STAG1: variants seen among roughly 807,000 people sequenced by gnomAD.
STAG1 encodes the protein STAG1 cohesin complex component.
A neutral mutation model predicts 170.9 loss-of-function variants in STAG1; 26 were observed. The ratio of observed to expected loss-of-function variants is 0.15; its 90% confidence interval spans 0.11 to 0.21. STAG1 has a LOEUF of 0.21. Among genes scored for constraint, STAG1 ranks in the 10% least tolerant of loss-of-function variants. The pLI, the probability that STAG1 is intolerant of heterozygous loss-of-function variation, is 1.00. For missense variants in STAG1, 964 were observed against 1,509.5 expected (o/e 0.64, Z 5.99); for synonymous variants, 514 against 497.7 (o/e 1.03, Z -0.44).
intron 14 of STAG1, among the ~76,000 whole-genome samples, chr3:136,447,299 G>T (rs892203569): frequency 6.6e-6 from 1 of 151,466 alleles, no homozygotes; most frequent in Non-Finnish European, 1.5e-5. Context: ...TGGTGAAACC[G>T]TCTCTACTAA....
At chr3:136,518,373 A>G in intron 7 of STAG1, 1 of 700,514 alleles carries the variant, frequency 1.4e-6, no homozygotes, top group South Asian at 1.5e-5. Flanking sequence ...GAAGCAGAGG[A>G]TTAAATGTTC....
intron 25 of STAG1, among the ~76,000 whole-genome samples, chr3:136,366,484 A>C (rs1303207068): frequency 6.6e-6 from 1 of 152,144 alleles, no homozygotes; most frequent in Non-Finnish European, 1.5e-5. Flanking sequence ...TAATATGATA[A>C]ATCAGCTACT....
intron 3 of STAG1, among the ~76,000 whole-genome samples, chr3:136,605,663 T>C (rs972400874): frequency 1.1e-4 from 17 of 152,242 alleles, no homozygotes; most frequent in East Asian, 1.9e-4. Context: ...TCCCATTATA[T>C]GCCTGCTTCA....
intron 9 of STAG1, among the ~76,000 whole-genome samples, chr3:136,497,284 A>C (rs1257881636): frequency 6.6e-6 from 1 of 152,242 alleles, no homozygotes; most frequent in African/African-American, 2.4e-5. Context: ...TATTCATTAA[A>C]ATAAAGTTAG....
intron 22 of STAG1, among the ~76,000 whole-genome samples, chr3:136,385,225 G>T (rs2086840206): frequency 6.6e-6 from 1 of 152,128 alleles, no homozygotes; most frequent in Non-Finnish European, 1.5e-5. Flanking sequence ...GAGGCAGGAG[G>T]AACGCTTGAG....
chr3:136,465,672 G>T (rs963642606), intron 12 of STAG1, among the ~76,000 whole-genome samples: 2 of 146,290 alleles, frequency 1.4e-5, no homozygotes, highest in Admixed American at 1.4e-4. Flanking sequence ...CAAAGTATTA[G>T]AATGCATTCT....
intron 1 of STAG1, among the ~76,000 whole-genome samples, chr3:136,728,913 A>C (rs1178181844): frequency 6.6e-6 from 1 of 152,202 alleles, no homozygotes; most frequent in Non-Finnish European, 1.5e-5. Flanking sequence ...CAAAGAACTT[A>C]GGTTTCATTT....
intron 2 of STAG1, among the ~76,000 whole-genome samples, chr3:136,625,315 G>A (rs1407587915): frequency 2.6e-5 from 4 of 152,186 alleles, no homozygotes; most frequent in Non-Finnish European, 4.4e-5. Flanking sequence ...CACTCCCTTG[G>A]AGATTTCATC....
intron 9 of STAG1, among the ~76,000 whole-genome samples, chr3:136,489,562 G>A (rs543841829): frequency 6.6e-6 from 1 of 152,070 alleles, no homozygotes; most frequent in South Asian, 2.1e-4. Context: ...ATTATGAATG[G>A]CCAAAAAAGG....
At chr3:136,475,935 A>C (rs567433702) in intron 10 of STAG1, among the ~76,000 whole-genome samples, 10 of 152,306 alleles carry the variant, frequency 6.6e-5, no homozygotes, top group African/African-American at 2.2e-4. Context: ...CAGGCCTAGC[A>C]CTAAATTGTA....
chr3:136,396,805 C>A (rs1191468548), intron 22 of STAG1, among the ~76,000 whole-genome samples: 1 of 152,040 alleles, frequency 6.6e-6, no homozygotes, highest in African/African-American at 2.4e-5. Flanking sequence ...GGATTACAGG[C>A]GCGAGCCACC....
intron 6 of STAG1, among the ~76,000 whole-genome samples, chr3:136,528,194 A>C (rs574650646): frequency 2.0e-5 from 3 of 152,258 alleles, no homozygotes; most frequent in African/African-American, 7.2e-5. Flanking sequence ...GAGTCTACAG[A>C]GGCAGACAGG....
In STAG1 at chr3:136,472,449, G is replaced by T; in HGVS notation, c.1169C>A (p.Ala390Asp). ...SMTLDKEYDV[A>D]VEAIRLVTLI... ...AGTAACCAATCGAATAGCTTCCACA[G>T]CAACATCATATTCTTTATCAAGTGT... is the stretch of plus-strand genomic sequence containing the variant. Residue 390 changes from alanine to aspartate, a missense_variant, in exon 12 of 34, where the codon GCT becomes GAT. By Grantham distance (126) the Ala-to-Asp change is moderately radical. Coordinates refer to ENST00000383202, the MANE Select transcript of STAG1 (RefSeq NM_005862.3). 1 of 1,612,776 alleles carries T rather than the reference G, an allele frequency of 6.2e-7. No individual in the cohort carries two copies. The highest frequency in any genetic ancestry group is 8.5e-7 in the Non-Finnish European group (1 of 1,179,344).
intron 1 of STAG1, 128 bp downstream of exon 1, chr3:136,752,067 T>TCGCC (rs1935289570): frequency 6.6e-6 from 1 of 152,252 alleles, no homozygotes; most frequent in African/African-American, 2.4e-5. Context: ...GCCCGCCCGC[T>TCGCC]CGCCGCTCGC....
At chr3:136,497,135 G>A (rs1450386459) in intron 9 of STAG1, among the ~76,000 whole-genome samples, 4 of 151,250 alleles carry the variant, frequency 2.6e-5, no homozygotes, top group Admixed American at 6.6e-5. Flanking sequence ...AAAATTCTAG[G>A]CTCCAATGGT....
intron 1 of STAG1, chr3:136,736,723 C>A: frequency 1.2e-6 from 2 of 1,603,210 alleles, no homozygotes; most frequent in Non-Finnish European, 1.7e-6. Flanking sequence ...CTCTCTCTTT[C>A]CTTTTAATTT....
At chr3:136,478,665 T>G (rs2089827776) in intron 9 of STAG1, among the ~76,000 whole-genome samples, 1 of 152,188 alleles carries the variant, frequency 6.6e-6, no homozygotes. Context: ...CTTGCTCTAA[T>G]AAGTCTCAGT....
At chr3:136,399,334 T>C (rs1210449391) in intron 21 of STAG1, among the ~76,000 whole-genome samples, 2 of 152,090 alleles carry the variant, frequency 1.3e-5, no homozygotes, top group African/African-American at 4.8e-5. Flanking sequence ...AAATAAAACA[T>C]TGCCAGCACC....
At chr3:136,751,095 T>C (rs1459203269) in intron 1 of STAG1, among the ~76,000 whole-genome samples, 1 of 152,144 alleles carries the variant, frequency 6.6e-6, no homozygotes, top group African/African-American at 2.4e-5. Context: ...GTCTTTCTAG[T>C]CAGAATCACG....
Sources: allele counts gnomAD v4.1 joint callset (sites outside exome capture counted in the v4.1 genomes callset), GRCh38; gene constraint gnomAD v4.1.1; transcripts MANE v1.5; gene names NCBI Gene and HGNC (gene_info 2026-07-23, HGNC 2026-07-21).